The following GPATCH2 variants were observed in gnomAD, a reference collection of about 807,000 sequenced individuals.
GPATCH2 encodes G-patch domain containing 2.
Under a neutral mutation model 58.0 loss-of-function variants are expected in GPATCH2, and 51 were observed. That is an observed-to-expected ratio of 0.88 (90% CI 0.70 to 1.11). The LOEUF is 1.11. Ranked by LOEUF, GPATCH2 falls within the 50% of genes most tolerant of loss-of-function variation. The pLI, the probability that GPATCH2 is intolerant of heterozygous loss-of-function variation, is 0.00. For synonymous variants in GPATCH2, 222 were observed against 218.5 expected (o/e 1.02, Z -0.14); for missense variants, 625 against 652.2 (o/e 0.96, Z 0.45).
chr1:217,467,939 T>C (rs979881965), intron 8 of GPATCH2, among the ~76,000 whole-genome samples: 3 of 152,164 alleles, frequency 2.0e-5, no homozygotes, highest in Non-Finnish European at 2.9e-5. Context: ...TAATCTCCCA[T>C]TGGCCACAGA....
At chr1:217,593,634 C>A (rs1475485095) in intron 5 of GPATCH2, among the ~76,000 whole-genome samples, 3 of 151,990 alleles carry the variant, frequency 2.0e-5, no homozygotes, top group Non-Finnish European at 2.9e-5. Flanking sequence ...AGCATTTAAC[C>A]ACCCATGCGG....
At chr1:217,617,070 G>T (rs1326008622) in intron 2 of GPATCH2, among the ~76,000 whole-genome samples, 1 of 152,106 alleles carries the variant, frequency 6.6e-6, no homozygotes, top group Non-Finnish European at 1.5e-5. Flanking sequence ...TTGAAAAAAT[G>T]TAAATCAACT....
chr1:217,571,488 C>G (rs1041381914), intron 5 of GPATCH2, among the ~76,000 whole-genome samples: 1 of 149,204 alleles, frequency 6.7e-6, no homozygotes, highest in African/African-American at 2.5e-5. Context: ...TATTTTACTT[C>G]TGGGCGCCAC....
chr1:217,546,638 A>G (rs1270813393), intron 5 of GPATCH2, among the ~76,000 whole-genome samples: 1 of 152,216 alleles, frequency 6.6e-6, no homozygotes, highest in Non-Finnish European at 1.5e-5. Context: ...AAAACCCAAA[A>G]CATAAAAACT....
intron 3 of GPATCH2, among the ~76,000 whole-genome samples, chr1:217,611,595 G>C (rs1424697921): frequency 6.6e-6 from 1 of 152,030 alleles, no homozygotes; most frequent in Non-Finnish European, 1.5e-5. Flanking sequence ...GAATTAAAAA[G>C]TATTAAAACT....
At chr1:217,443,315 C>T (rs1202933621) in intron 9 of GPATCH2, among the ~76,000 whole-genome samples, 1 of 152,108 alleles carries the variant, frequency 6.6e-6, no homozygotes, top group Non-Finnish European at 1.5e-5. Context: ...ATATGTAACT[C>T]AGGTTCACTT....
chr1:217,589,397 GACT>G (rs1202764302), intron 5 of GPATCH2, among the ~76,000 whole-genome samples: 1 of 152,178 alleles, frequency 6.6e-6, no homozygotes, highest in East Asian at 1.9e-4. Flanking sequence ...CCTGGATAAT[GACT>G]ACTACTTTTC....
At chr1:217,513,703 A>G (rs2102579628) in intron 6 of GPATCH2, among the ~76,000 whole-genome samples, 1 of 152,354 alleles carries the variant, frequency 6.6e-6, no homozygotes, top group East Asian at 1.9e-4. Flanking sequence ...AAAATTATCT[A>G]GTAAGTAGTC....
chr1:217,598,291 G>A (rs1005810509), intron 5 of GPATCH2, among the ~76,000 whole-genome samples: 4 of 151,920 alleles, frequency 2.6e-5, no homozygotes, highest in African/African-American at 9.7e-5. Context: ...GGGAGGCTGA[G>A]GCACAAGAAT....
intron 2 of GPATCH2, among the ~76,000 whole-genome samples, chr1:217,614,843 C>A (rs1288627463): frequency 6.6e-6 from 1 of 150,648 alleles, no homozygotes; most frequent in African/African-American, 2.4e-5. Flanking sequence ...CACAGAAGCT[C>A]CAGAGTCAAA....
chr1:217,507,504 T>C (rs1271388458), intron 6 of GPATCH2, among the ~76,000 whole-genome samples: 1 of 152,192 alleles, frequency 6.6e-6, no homozygotes, highest in Non-Finnish European at 1.5e-5. Flanking sequence ...TTCTGACAAA[T>C]TATTTTATTT....
intron 9 of GPATCH2, among the ~76,000 whole-genome samples, chr1:217,431,636 T>C (rs1345323785): frequency 6.6e-6 from 1 of 152,194 alleles, no homozygotes; most frequent in Non-Finnish European, 1.5e-5. Context: ...ACAGCCATAA[T>C]ACAACCTACA....
chr1:217,537,437 A>C (rs766433969), intron 5 of GPATCH2, among the ~76,000 whole-genome samples: 1 of 152,036 alleles, frequency 6.6e-6, no homozygotes, highest in African/African-American at 2.4e-5. Context: ...AGGCTTTATA[A>C]TATATAAAGG....
At chr1:217,470,736 C>G in intron 8 of GPATCH2, among the ~76,000 whole-genome samples, 1 of 152,126 alleles carries the variant, frequency 6.6e-6, no homozygotes, top group East Asian at 1.9e-4. Context: ...CCCTTAAAAA[C>G]CATTTTATGT....
chr1:217,626,036 T>C (rs993191935), intron 1 of GPATCH2, among the ~76,000 whole-genome samples: 8 of 152,120 alleles, frequency 5.3e-5, no homozygotes, highest in African/African-American at 1.9e-4. Context: ...CTATTAGGTA[T>C]CTAATTAAGG....
intron 9 of GPATCH2, among the ~76,000 whole-genome samples, 161 bp downstream of exon 9, chr1:217,449,088 A>G (rs987722691): frequency 1.3e-5 from 2 of 152,250 alleles, no homozygotes; most frequent in Non-Finnish European, 2.9e-5. Context: ...CACATGGAAC[A>G]TGTAATACAC....
chr1:217,515,623 G>C (rs566743693), intron 5 of GPATCH2, among the ~76,000 whole-genome samples: 1 of 152,070 alleles, frequency 6.6e-6, no homozygotes, highest in East Asian at 2.0e-4. Flanking sequence ...CCGCAGAATC[G>C]CTTGCACCCA....
chr1:217,528,317 A>G (rs1442662231), intron 5 of GPATCH2, among the ~76,000 whole-genome samples: 1 of 152,208 alleles, frequency 6.6e-6, no homozygotes, highest in African/African-American at 2.4e-5. Flanking sequence ...AAAAAGACAC[A>G]AACAAGATAA....
intron 8 of GPATCH2, among the ~76,000 whole-genome samples, chr1:217,488,029 C>T (rs762796007): frequency 2.2e-4 from 33 of 151,814 alleles, no homozygotes; most frequent in Non-Finnish European, 2.1e-4. Flanking sequence ...CGTGAGCCAC[C>T]GCACCCAGCC....
Sources: gnomAD v4.1 joint callset for allele counts (sites outside exome capture counted in the v4.1 genomes callset) on GRCh38, gnomAD v4.1.1 for gene constraint, MANE v1.5 for transcripts, NCBI Gene and HGNC (gene_info 2026-07-23, HGNC 2026-07-21) for gene names.